Variants in RBFOX1 observed in about 807,000 individuals in gnomAD.
RBFOX1 encodes RNA binding fox-1 homolog 1, also known as RNA binding protein fox-1 homolog 1.
Under a neutral mutation model 57.7 loss-of-function variants are expected in RBFOX1, and 8 were observed. The ratio of observed to expected loss-of-function variants is 0.14; its 90% CI spans 0.08 to 0.25. The LOEUF is 0.25. RBFOX1 is among the 10% of genes least tolerant of loss of function. RBFOX1 has a pLI of 1.00. For missense variants in RBFOX1, 611 were observed against 548.5 expected (o/e 1.11, Z -1.14); for synonymous variants, 326 against 222.4 (o/e 1.47, Z -4.15).
chr16:7,530,276 C>T (rs1601016184), intron 5 of RBFOX1, among the ~76,000 whole-genome samples: 2 of 152,114 alleles, frequency 1.3e-5, no homozygotes, highest in Admixed American at 1.3e-4. Context: ...CCCACTGTAC[C>T]ATGCCCTTCC....
rs1037165706 is a variant in RBFOX1 at position 6,227,476 on chromosome 16, T to G, written c.-126-89519T>G. On this transcript the variant is annotated intron_variant, in intron 1 of 15. Transcript: ENST00000550418. Reference sequence around the variant, plus strand: ...AGTAGCAAACCTTGATTTCTCAGGGTTTTTTTTGCATTTGGGAGTGGCCGT... The same window carrying G: ...AGTAGCAAACCTTGATTTCTCAGGGGTTTTTTTGCATTTGGGAGTGGCCGT... 2.0e-5 allele frequency among the ~76,000 whole-genome samples: 3 copies of G among 151,732 alleles called. No homozygotes were observed. The East Asian group carries it at 5.8e-4, about 29-fold the overall frequency.
At chr16:6,657,627 A>C (rs542210260) in intron 3 of RBFOX1, among the ~76,000 whole-genome samples, 3 of 152,160 alleles carry the variant, frequency 2.0e-5, no homozygotes, top group African/African-American at 7.2e-5. Context: ...GTGTGTGTGC[A>C]TGTCCCTCTC....
At chr16:5,745,704 A>G (rs1272623497) in intron 3 of RBFOX1, among the ~76,000 whole-genome samples, 1 of 152,036 alleles carries the variant, frequency 6.6e-6, no homozygotes, top group Non-Finnish European at 1.5e-5. Flanking sequence ...GATGATGAGC[A>G]TTTTTTCATG....
intron 3 of RBFOX1, among the ~76,000 whole-genome samples, chr16:6,791,331 A>T (rs955806642): frequency 9.8e-5 from 15 of 152,320 alleles, no homozygotes; most frequent in Admixed American, 5.2e-4. Context: ...GTTATTGATT[A>T]TTCATTTTAA....
intron 3 of RBFOX1, among the ~76,000 whole-genome samples, chr16:6,660,557 C>G (rs1294845760): frequency 1.3e-5 from 2 of 152,146 alleles, no homozygotes; most frequent in Non-Finnish European, 2.9e-5. Flanking sequence ...CTTGAAATGT[C>G]TGGGTTTCAA....
chr16:5,839,678 C>T (rs1471297174), intron 3 of RBFOX1, among the ~76,000 whole-genome samples: 1 of 152,184 alleles, frequency 6.6e-6, no homozygotes, highest in Non-Finnish European at 1.5e-5. Context: ...AACAGTTTTG[C>T]TTCACCATCC....
rs547758790 is a variant in RBFOX1 at position 5,895,411 on chromosome 16, A to C, written c.351+28076A>C. Among the ~76,000 whole-genome samples, 3 of 152,302 alleles carry C rather than the reference A, an allele frequency of 2.0e-5. No individual in the cohort carries two copies. The South Asian group carries it at 6.2e-4, about 32-fold the overall frequency. ...GGAAGTAGGAGCTGGATCTTAGTCA[A>C]CTCATGGCTGGACTCTCTAGTGAAT... On this transcript the variant is annotated intron_variant, in intron 4 of 19. Transcript: ENST00000641259.
chr16:5,476,423 TAG>T (rs1481049730), intron 2 of RBFOX1, among the ~76,000 whole-genome samples: 1 of 152,214 alleles, frequency 6.6e-6, no homozygotes, highest in Non-Finnish European at 1.5e-5. Context: ...TCCATTACTC[TAG>T]AACACAGTCG....
intron 4 of RBFOX1, among the ~76,000 whole-genome samples, chr16:7,419,861 A>G (rs1222944157): frequency 6.7e-6 from 1 of 149,990 alleles, no homozygotes; most frequent in East Asian, 2.0e-4. Flanking sequence ...TTTCTCCACT[A>G]ATTATACCAC....
chr16:5,900,694 G>A (rs1274813091), intron 4 of RBFOX1, among the ~76,000 whole-genome samples: 1 of 152,168 alleles, frequency 6.6e-6, no homozygotes, highest in Non-Finnish European at 1.5e-5. Flanking sequence ...TCTCCAGCAA[G>A]TCATGCGGGG....
chr16:5,348,680 G>T (rs983631840), intron 1 of RBFOX1, among the ~76,000 whole-genome samples: 1 of 152,196 alleles, frequency 6.6e-6, no homozygotes, highest in African/African-American at 2.4e-5. Context: ...CTCAATTTAT[G>T]TGTTTAGTAG....
intron 3 of RBFOX1, among the ~76,000 whole-genome samples, chr16:6,730,150 G>T (rs147205773): frequency 1.3e-5 from 2 of 152,074 alleles, no homozygotes; most frequent in Non-Finnish European, 2.9e-5. Context: ...TTCCCTAAAA[G>T]AAGCCTTAAA....
At chr16:6,081,271 C>T (rs950705629) in intron 1 of RBFOX1, among the ~76,000 whole-genome samples, 1 of 152,150 alleles carries the variant, frequency 6.6e-6, no homozygotes, top group Non-Finnish European at 1.5e-5. Context: ...TTCAGCTCAG[C>T]CAAGATCATC....
chr16:6,312,067 T>C (rs925654589), intron 1 of RBFOX1, among the ~76,000 whole-genome samples: 10 of 152,188 alleles, frequency 6.6e-5, no homozygotes, highest in African/African-American at 2.2e-4. Flanking sequence ...CTTCCCTGCC[T>C]GCAGGGTGGG....
chr16:7,554,815 G>A (rs2087803460), intron 5 of RBFOX1, among the ~76,000 whole-genome samples: 1 of 152,142 alleles, frequency 6.6e-6, no homozygotes, highest in East Asian at 1.9e-4. Context: ...TTATCACCAT[G>A]TTCTAACCAA....
intron 2 of RBFOX1, among the ~76,000 whole-genome samples, chr16:6,596,355 C>A (rs1390400644): frequency 1.3e-5 from 2 of 152,166 alleles, no homozygotes; most frequent in African/African-American, 4.8e-5. Flanking sequence ...CAGCACCATT[C>A]ATTGAAAATC....
intron 3 of RBFOX1, among the ~76,000 whole-genome samples, chr16:5,797,274 A>C (rs74006302): frequency 6.6e-6 from 1 of 152,180 alleles, no homozygotes; most frequent in Non-Finnish European, 1.5e-5. Flanking sequence ...ATTTGCATCA[A>C]TGGTGTAGAC....
intron 14 of RBFOX1, among the ~76,000 whole-genome samples, chr16:7,701,070 C>T (rs946994473): frequency 3.3e-5 from 5 of 152,110 alleles, no homozygotes; most frequent in African/African-American, 9.7e-5. Flanking sequence ...TCAGGGGAGG[C>T]AGGGAAATCA....
intron 4 of RBFOX1, among the ~76,000 whole-genome samples, chr16:7,311,010 A>T (rs556315171): frequency 6.6e-6 from 1 of 152,320 alleles, no homozygotes; most frequent in East Asian, 1.9e-4. Context: ...CCGGTCTGGA[A>T]TTACTCCTTC....
Sources: allele counts gnomAD v4.1 joint callset (sites outside exome capture counted in the v4.1 genomes callset), GRCh38; gene constraint gnomAD v4.1.1; transcripts MANE v1.5; gene names NCBI Gene and HGNC (gene_info 2026-07-23, HGNC 2026-07-21).